The following DAB1 variants were observed in gnomAD, a reference collection of about 807,000 sequenced individuals.
DAB1 encodes the protein disabled homolog 1.
A neutral mutation model predicts 64.6 loss-of-function variants in DAB1; 15 were observed. The ratio of observed to expected loss-of-function variants is 0.23; its 90% confidence interval spans 0.16 to 0.36. The LOEUF is 0.36. Among genes scored for constraint, DAB1 ranks in the 10% least tolerant of loss-of-function variants. DAB1 has a pLI of 1.00. For synonymous variants in DAB1, 235 were observed against 251.9 expected (o/e 0.93, Z 0.64); for missense variants, 596 against 706.7 (o/e 0.84, Z 1.78).
chr1:57,691,788 C>T (rs755417459), intron 6 of DAB1, among the ~76,000 whole-genome samples: 2 of 152,086 alleles, frequency 1.3e-5, no homozygotes, highest in Non-Finnish European at 2.9e-5. Context: ...TTGGCAACCA[C>T]GAAGGAACTA....
intron 9 of DAB1, among the ~76,000 whole-genome samples, chr1:57,052,360 C>T (rs548976850): frequency 6.6e-6 from 1 of 152,120 alleles, no homozygotes; most frequent in Non-Finnish European, 1.5e-5. Flanking sequence ...CAGGATATCT[C>T]CTTTTCAGGG....
intron 3 of DAB1, among the ~76,000 whole-genome samples, chr1:58,347,163 A>G (rs942077520): frequency 1.3e-5 from 2 of 152,182 alleles, no homozygotes; most frequent in Non-Finnish European, 2.9e-5. Flanking sequence ...ACTGGAGTGC[A>G]ATGACACAAT....
chr1:57,298,794 C>T (rs1290809750), intron 1 of DAB1, among the ~76,000 whole-genome samples: 1 of 152,116 alleles, frequency 6.6e-6, no homozygotes, highest in African/African-American at 2.4e-5. Flanking sequence ...ACATCAAAAA[C>T]ATTGATATGG....
intron 5 of DAB1, among the ~76,000 whole-genome samples, chr1:58,088,581 A>T (rs1650456834): frequency 2.0e-5 from 3 of 152,210 alleles, no homozygotes; most frequent in Admixed American, 1.3e-4. Flanking sequence ...TTCAGAAAAA[A>T]TAAGTATGAT....
chr1:57,277,348 T>C (rs1671546425), intron 2 of DAB1, among the ~76,000 whole-genome samples: 1 of 152,196 alleles, frequency 6.6e-6, no homozygotes, highest in Non-Finnish European at 1.5e-5. Context: ...AAAATGCCTG[T>C]ACATTAGTCT....
At chr1:58,437,559 G>A (rs1297749796) in intron 3 of DAB1, among the ~76,000 whole-genome samples, 2 of 152,102 alleles carry the variant, frequency 1.3e-5, no homozygotes, top group Non-Finnish European at 2.9e-5. Context: ...ATCACCACCT[G>A]AGACATTTGT....
At chr1:57,435,046 CTTTTTTTTTTTT>C (rs71580850) in intron 7 of DAB1, among the ~76,000 whole-genome samples, 2 of 93,078 alleles carry the variant, frequency 2.1e-5, no homozygotes, top group Non-Finnish European at 4.0e-5. Flanking sequence ...TTCTTTTTTT[CTTTTTTTTTTTT>C]TTTTTTTTGA....
intron 6 of DAB1, among the ~76,000 whole-genome samples, chr1:57,787,988 A>AT (rs541192450): frequency 3.3e-5 from 2 of 59,958 alleles, no homozygotes; most frequent in South Asian, 7.7e-4. Context: ...ATGATTAAAT[A>AT]TTAAAAAAAA....
At position 57,695,388 on chromosome 1, in the gene DAB1, GAAAGAAAGA is replaced by G. The variant is rs1557427883; in HGVS notation, n.552-45732_552-45724del. On this transcript the variant is annotated intron_variant and non_coding_transcript_variant, in intron 6 of 20. Transcript: ENST00000485760. ...AGAAAGAAAGAAAGAAAGAAAGAAA[GAAAGAAAGA>G]AAGAAAGAAAGAAAGAAAGAAAGAA... 2.5e-3 allele frequency among the ~76,000 whole-genome samples: 198 copies of G among 78,456 alleles called. 1 individual carries two copies. Among genetic ancestry groups the G allele is most frequent in the East Asian group, 4.5e-3 (10 of 2,206 alleles). The allele number at this position is 78,456 out of a possible 152,430, so 51.5% of individuals were successfully genotyped here. A position where few individuals can be genotyped will look rare whatever the true frequency, so the allele number is the denominator to read the frequency against.
chr1:57,800,828 C>T (rs1431525268), intron 6 of DAB1, among the ~76,000 whole-genome samples: 1 of 152,138 alleles, frequency 6.6e-6, no homozygotes. Context: ...ATGAGTGCTA[C>T]CCTTAAAGTA....
chr1:58,237,671 T>C (rs961931367), intron 4 of DAB1, among the ~76,000 whole-genome samples: 2 of 152,172 alleles, frequency 1.3e-5, no homozygotes, highest in Non-Finnish European at 2.9e-5. Flanking sequence ...GTCACTGAAA[T>C]GCTCCGTAAC....
At chr1:58,048,268 G>T in intron 5 of DAB1, 1 of 1,278,172 alleles carries the variant, frequency 7.8e-7, no homozygotes, top group Non-Finnish European at 1.1e-6. Context: ...GGCCTCCACC[G>T]CCATAGGGGC....
intron 2 of DAB1, among the ~76,000 whole-genome samples, chr1:57,222,109 T>C (rs1569947211): frequency 1.3e-5 from 2 of 152,008 alleles, no homozygotes; most frequent in South Asian, 4.2e-4. Flanking sequence ...GTTGTTATTG[T>C]TCCTTTTTTT....
intron 2 of DAB1, among the ~76,000 whole-genome samples, chr1:57,211,889 G>A (rs1182979337): frequency 1.3e-5 from 2 of 152,186 alleles, no homozygotes; most frequent in East Asian, 1.9e-4. Flanking sequence ...CATAAGTTGT[G>A]TGTAAATACT....
rs1653444783 is a variant in DAB1, at chr1:57,849,931, T to G, written n.88-23476A>C. Among the ~76,000 whole-genome samples, 3 of 152,136 alleles carry G rather than the reference T, an allele frequency of 2.0e-5. No individual in the cohort carries two copies. In the South Asian group the frequency reaches 6.2e-4, roughly 31 times the overall value. On this transcript the variant is annotated intron_variant and non_coding_transcript_variant, in intron 1 of 1. Transcript: ENST00000477280. ...TCATTAGTCCATTGTCACAGATGTG[T>G]AAGGGAGAGATTTTATGTGGGAAGT...
At chr1:58,050,147 T>C (rs1213563288) in intron 5 of DAB1, among the ~76,000 whole-genome samples, 2 of 152,044 alleles carry the variant, frequency 1.3e-5, no homozygotes, top group African/African-American at 4.8e-5. Context: ...AAAGAGAACA[T>C]AGATCAGTTG....
At chr1:58,289,530 C>A (rs1661767040) in intron 4 of DAB1, among the ~76,000 whole-genome samples, 1 of 152,154 alleles carries the variant, frequency 6.6e-6, no homozygotes, top group African/African-American at 2.4e-5. Context: ...TTTAGACTTT[C>A]ATGGACTTGA....
chr1:58,256,018 G>T (rs1040402572), intron 4 of DAB1, among the ~76,000 whole-genome samples: 5 of 152,282 alleles, frequency 3.3e-5, no homozygotes, highest in Non-Finnish European at 7.4e-5. Context: ...TCTTTCCATT[G>T]CATTTTCTGC....
At chr1:57,028,846 G>A (rs1646873502) in intron 9 of DAB1, among the ~76,000 whole-genome samples, 1 of 152,118 alleles carries the variant, frequency 6.6e-6, no homozygotes, top group Non-Finnish European at 1.5e-5. Context: ...TAACTTGGGT[G>A]CTGTTAAAAG....
Sources: allele counts gnomAD v4.1 joint callset (sites outside exome capture counted in the v4.1 genomes callset), GRCh38; gene constraint gnomAD v4.1.1; transcripts MANE v1.5; gene names NCBI Gene and HGNC (gene_info 2026-07-23, HGNC 2026-07-21).